Variants in SPON1 observed in about 807,000 individuals in gnomAD.
SPON1 encodes spondin-1.
A neutral mutation model predicts 111.7 loss-of-function variants in SPON1; 52 were observed. That is an observed-to-expected ratio of 0.47 (90% CI 0.37 to 0.59). SPON1 has a LOEUF of 0.59. Among genes scored for constraint, SPON1 ranks in the 20% least tolerant of loss-of-function variants. The probability of loss-of-function intolerance (pLI) is 0.00; values close to 1 mark genes in which losing one functional copy is unlikely to be tolerated. For missense variants in SPON1, 957 were observed against 1,068.5 expected, an observed-to-expected ratio of 0.90 and a Z score of 1.46; for synonymous variants, 410 against 395.8, an observed-to-expected ratio of 1.04 and a Z score of -0.43.
chr11:14,113,568 A>AATTTTT (rs1849242023), intron 5 of SPON1, among the ~76,000 whole-genome samples: 1 of 74,764 alleles, frequency 1.3e-5, no homozygotes, highest in Non-Finnish European at 2.6e-5. Flanking sequence ...TACTTTTTAA[A>AATTTTT]TTTTTTTTTT....
At position 14,265,570 on chromosome 11, in the gene SPON1, G is replaced by T. The variant is rs1212440112; in HGVS notation, c.2307G>T (p.Leu769=). 6.2e-7 allele frequency: 1 copy of T among 1,613,758 alleles called. No homozygotes were observed. Among genetic ancestry groups the T allele is most frequent in the Non-Finnish European group, 8.5e-7 (1 of 1,179,814 alleles). Residue 769 remains leucine, a synonymous_variant, in exon 16 of 16, where the codon CTG becomes CTT. Coordinates refer to ENST00000576479, the MANE Select transcript of SPON1 (RefSeq NM_006108.4). Reference sequence around the variant, plus strand: ...CGGCCTGGTCAGAATGCACCAAACTGTGCGGAGGTGGAATTCAGGAACGTT... The same window carrying T: ...CGGCCTGGTCAGAATGCACCAAACTTTGCGGAGGTGGAATTCAGGAACGTT... ...PWTAWSECTK[L]CGGGIQERYM...
At chr11:14,254,775 C>A in intron 8 of SPON1, 46 bp downstream of exon 8, 2 of 1,574,454 alleles carry the variant, frequency 1.3e-6, no homozygotes, top group Non-Finnish European at 1.7e-6. Context: ...TGCCTACCCG[C>A]TTCCTGAGTG....
At chr11:14,041,209 A>T (rs1329216373) in intron 2 of SPON1, among the ~76,000 whole-genome samples, 5 of 152,204 alleles carry the variant, frequency 3.3e-5, no homozygotes, top group African/African-American at 1.2e-4. Flanking sequence ...CTTCTTCCCC[A>T]AAGTGGGACA....
intron 3 of SPON1, among the ~76,000 whole-genome samples, chr11:14,045,153 A>C (rs1322375321): frequency 6.6e-6 from 1 of 152,252 alleles, no homozygotes; most frequent in Admixed American, 6.5e-5. Flanking sequence ...GACTGTGAAC[A>C]AGAGAGCCTA....
At chr11:14,073,415 T>G (rs1308915084) in intron 3 of SPON1, among the ~76,000 whole-genome samples, 1 of 152,188 alleles carries the variant, frequency 6.6e-6, no homozygotes, top group African/African-American at 2.4e-5. Flanking sequence ...CATTTCAGAT[T>G]TTAGATTTTC....
chr11:14,138,298 T>A (rs1554928365), intron 6 of SPON1, among the ~76,000 whole-genome samples: 1 of 152,194 alleles, frequency 6.6e-6, no homozygotes. Flanking sequence ...TTTATGCTAA[T>A]GGCTTTCAAG....
intron 2 of SPON1, among the ~76,000 whole-genome samples, chr11:13,986,395 A>T (rs1171716420): frequency 6.6e-6 from 1 of 152,196 alleles, no homozygotes; most frequent in Admixed American, 6.5e-5. Context: ...AATATTTAAC[A>T]TATTTGTTGG....
intron 5 of SPON1, among the ~76,000 whole-genome samples, chr11:14,093,416 A>G (rs1484022660): frequency 6.6e-6 from 1 of 152,228 alleles, no homozygotes; most frequent in Non-Finnish European, 1.5e-5. Context: ...CTCCTATCCC[A>G]TAGAGACCCT....
intron 5 of SPON1, among the ~76,000 whole-genome samples, chr11:14,082,582 T>C (rs573575567): frequency 1.6e-4 from 24 of 152,182 alleles, no homozygotes; most frequent in Non-Finnish European, 2.9e-4. Context: ...GGGAGGCAGA[T>C]GTCTAGCCTT....
intron 5 of SPON1, among the ~76,000 whole-genome samples, chr11:14,133,378 G>A (rs1847548716): frequency 6.6e-6 from 1 of 152,232 alleles, no homozygotes; most frequent in African/African-American, 2.4e-5. Flanking sequence ...CAGACTGTAA[G>A]AGTGATAATA....
intron 3 of SPON1, among the ~76,000 whole-genome samples, chr11:14,074,768 T>G (rs1848903913): frequency 6.6e-6 from 1 of 152,208 alleles, no homozygotes; most frequent in Admixed American, 6.5e-5. Flanking sequence ...TTTTTCCAAA[T>G]TCTAAGATCC....
chr11:14,001,708 A>G lies in SPON1; in HGVS notation c.345+18755A>G, dbSNP rs140162963. 5.2e-3 allele frequency among the ~76,000 whole-genome samples: 799 copies of G among 152,346 alleles called. 9 individuals are homozygous for G. Among genetic ancestry groups the G allele is most frequent in the African/African-American group, 0.018 (738 of 41,576 alleles). On this transcript the variant is annotated intron_variant, in intron 2 of 15. Transcript: ENST00000576479. ...GAGAGGGCTGCAAGGCATAACCTCT[A>G]CTTAAGAAGGAGTTTCTAGGGAAAA... is the stretch of plus-strand genomic sequence containing the variant.
intron 5 of SPON1, among the ~76,000 whole-genome samples, chr11:14,123,202 G>A (rs1847414256): frequency 6.6e-6 from 1 of 151,998 alleles, no homozygotes; most frequent in Non-Finnish European, 1.5e-5. Context: ...CAAAGTGCTG[G>A]GATTACAGGC....
chr11:13,982,994 C>G, intron 2 of SPON1, 41 bp downstream of exon 2: 1 of 1,373,378 alleles, frequency 7.3e-7, no homozygotes, highest in Non-Finnish European at 1.0e-6. Context: ...CCTCCCTGCC[C>G]TAGGAGGTAG....
intron 1 of SPON1, among the ~76,000 whole-genome samples, chr11:13,967,702 G>C (rs11605043): frequency 0.25 from 38,678 of 151,984 alleles, 5,062 homozygotes; most frequent in South Asian, 0.36. Flanking sequence ...CTGGATGGTG[G>C]AGTTTTTAAA....
chr11:14,264,799 T>C (rs565758837), intron 15 of SPON1, among the ~76,000 whole-genome samples: 5 of 152,182 alleles, frequency 3.3e-5, no homozygotes, highest in Admixed American at 1.3e-4. Flanking sequence ...TCTAACCTAA[T>C]TAATCTCTGG....
chr11:14,249,771 A>G (rs532999090), intron 7 of SPON1, among the ~76,000 whole-genome samples: 4 of 152,262 alleles, frequency 2.6e-5, no homozygotes, highest in Non-Finnish European at 5.9e-5. Flanking sequence ...AAGAAAATCA[A>G]CCTCTACCAA....
chr11:13,965,417 G>A (rs1240933132), intron 1 of SPON1, among the ~76,000 whole-genome samples: 3 of 152,160 alleles, frequency 2.0e-5, no homozygotes, highest in African/African-American at 7.2e-5. Context: ...TTGGCAGCTG[G>A]TGGCCCTAGC....
intron 5 of SPON1, among the ~76,000 whole-genome samples, chr11:14,095,702 G>A (rs1849095264): frequency 6.6e-6 from 1 of 152,226 alleles, no homozygotes; most frequent in Middle Eastern, 3.4e-3. Context: ...TGTTCTATTC[G>A]GCCCTCAATT....
Sources: gnomAD v4.1 joint callset for allele counts (sites outside exome capture counted in the v4.1 genomes callset) on GRCh38, gnomAD v4.1.1 for gene constraint, MANE v1.5 for transcripts, NCBI Gene and HGNC (gene_info 2026-07-23, HGNC 2026-07-21) for gene names.